Variants in NCKAP5L observed in about 807,000 individuals in gnomAD.
NCKAP5L encodes the protein nck-associated protein 5-like.
Under a neutral mutation model 103.2 loss-of-function variants are expected in NCKAP5L, and 54 were observed. The observed-to-expected ratio is 0.52, with a 90% CI of 0.42 to 0.66. NCKAP5L has a LOEUF of 0.66. Among genes scored for constraint, NCKAP5L ranks in the 30% least tolerant of loss-of-function variants. The pLI is 0.00. For missense variants in NCKAP5L, 1,733 were observed against 1,750.6 expected, an observed-to-expected ratio of 0.99 and a Z score of 0.18; for synonymous variants, 762 against 748.6, an observed-to-expected ratio of 1.02 and a Z score of -0.29.
In NCKAP5L at chr12:49,806,061, G is replaced by C. The variant is rs1366767081; in HGVS notation, c.-98-20C>G. On this transcript the variant is annotated intron_variant, in intron 1 of 12. Coordinates refer to ENST00000335999, the MANE Select transcript of NCKAP5L (RefSeq NM_001037806.4). The stretch of plus-strand genomic sequence containing the variant: ...CCTTGCCTGTGGAGAAAAAAAAAAA[G>C]ACGTCAGCCACGCACTTACTGGGCT... 1 of 144,122 alleles carries C rather than the reference G, an allele frequency of 6.9e-6. No individual in the cohort carries two copies. The highest frequency in any genetic ancestry group is 2.5e-5 in the African/African-American group (1 of 39,970). 8.9% of individuals were successfully genotyped at this position (144,122 alleles called of 1,614,324 possible).
Position 49,796,198 on chromosome 12 carries a change from G to A in NCKAP5L, c.1662C>T (p.Pro554=). The change falls in exon 8 of 13, where the codon CCC becomes CCT. Residue 554 remains proline, a synonymous_variant. Coordinates refer to ENST00000335999, the MANE Select transcript of NCKAP5L (RefSeq NM_001037806.4). ...TTLSPGPVVS[P]CYENILDLSR... is the part of the protein sequence containing the mutation. Reference sequence around the variant, plus strand: ...AAAGGTCCAGAATGTTCTCATAGCAGGGAGACACCACTGGGCCTGGGGACA... The same window carrying A: ...AAAGGTCCAGAATGTTCTCATAGCAAGGAGACACCACTGGGCCTGGGGACA... The A allele has an allele frequency of 1.2e-6, 2 of 1,601,588 alleles. No individual in the cohort carries two copies. Among genetic ancestry groups the A allele is most frequent in the Non-Finnish European group, 8.5e-7 (1 of 1,174,330 alleles).
chr12:49,796,688 G>T lies in NCKAP5L; in HGVS notation c.1172C>A (p.Pro391Gln). Residue 391 changes from proline (P) to glutamine (Q), a missense_variant, in exon 8 of 13, where the codon CCA becomes CAA. By Grantham distance (76) the Pro-to-Gln change is moderately conservative. Coordinates refer to ENST00000335999, the MANE Select transcript of NCKAP5L (RefSeq NM_001037806.4). Reference sequence around the variant, plus strand: ...GCCCTCTGAGGTAGCACCGAAGCCTGGCCTGTGGGCCTCTGGGGTACCCCC... The same window carrying T: ...GCCCTCTGAGGTAGCACCGAAGCCTTGCCTGTGGGCCTCTGGGGTACCCCC... ...WGGGTPEAHR[P>Q]GFGATSEGQG... 1 of 1,592,290 alleles carries T rather than the reference G, an allele frequency of 6.3e-7. No individual in the cohort carries two copies. Among genetic ancestry groups the T allele is most frequent in the African/African-American group, 1.3e-5 (1 of 74,176 alleles).
At chr12:49,825,790 C>G (rs1311173920) in intron 1 of NCKAP5L, among the ~76,000 whole-genome samples, 1 of 152,148 alleles carries the variant, frequency 6.6e-6, no homozygotes, top group Admixed American at 6.5e-5. Context: ...GAAAAGTAAC[C>G]CAGGGAGAAT....
intron 3 of NCKAP5L, among the ~76,000 whole-genome samples, chr12:49,803,452 C>T (rs1946143251): frequency 6.6e-6 from 1 of 152,088 alleles, no homozygotes; most frequent in African/African-American, 2.4e-5. Context: ...TGGGAGGTGC[C>T]CACAGTAACC....
At chr12:49,808,506 G>C (rs1262222140) in intron 1 of NCKAP5L, among the ~76,000 whole-genome samples, 1 of 152,194 alleles carries the variant, frequency 6.6e-6, no homozygotes, top group African/African-American at 2.4e-5. Context: ...CTGAGTTCAA[G>C]ATTTCTAAAG....
rs529573712 is a variant in NCKAP5L, at chr12:49,798,451, G to A, written c.364C>T (p.Pro122Ser). The A allele has an allele frequency of 1.9e-6, 3 of 1,576,738 alleles. No individual in the cohort carries two copies. The highest frequency in any genetic ancestry group is 1.3e-5 in the African/African-American group (1 of 74,356). The change falls in exon 7 of 13, where the codon CCA (proline) becomes TCA (serine). Residue 122 changes from proline (P) to serine (S), a missense_variant. Coordinates refer to ENST00000335999, the MANE Select transcript of NCKAP5L (RefSeq NM_001037806.4). ...TGSLPQIPLT[P>S]LQPPSEPPAS... ...GGTGGCTCTGATGGTGGCTGGAGTG[G>A]AGTGAGTGGGATCTGCAGAGGGAGA...
chr12:49,821,714 T>G (rs1946363873), intron 1 of NCKAP5L, among the ~76,000 whole-genome samples: 1 of 152,256 alleles, frequency 6.6e-6, no homozygotes, highest in African/African-American at 2.4e-5. Context: ...TAACGTGGAC[T>G]TTTTTGATCA....
intron 1 of NCKAP5L, among the ~76,000 whole-genome samples, chr12:49,816,235 G>C (rs903404654): frequency 6.6e-6 from 1 of 152,112 alleles, no homozygotes; most frequent in Non-Finnish European, 1.5e-5. Flanking sequence ...CCCTCTGCCA[G>C]TGTACCACTC....
At chr12:49,818,141 A>C (rs1029376740) in intron 1 of NCKAP5L, among the ~76,000 whole-genome samples, 3 of 151,974 alleles carry the variant, frequency 2.0e-5, no homozygotes, top group Non-Finnish European at 4.4e-5. Context: ...TGGAAAAAAA[A>C]AAAAACAAAA....
At chr12:49,802,246 C>T (rs1946128293) in intron 5 of NCKAP5L, 8 of 324,128 alleles carry the variant, frequency 2.5e-5, no homozygotes. Context: ...CGACCCCCCG[C>T]CTCTTTTTTT....
chr12:49,827,777 G>T (rs1455822000), intron 1 of NCKAP5L, among the ~76,000 whole-genome samples: 1 of 152,184 alleles, frequency 6.6e-6, no homozygotes, highest in African/African-American at 2.4e-5. Context: ...TAGGAGACCC[G>T]GTCTTTCCGC....
At position 49,802,870 on chromosome 12, in the gene NCKAP5L, C is replaced by A. The variant is rs1196545341; in HGVS notation, c.231+88G>T. ...AAGACGGGGAATCACTGGAGGGCAA[C>A]AGCCCATGTCCTCCAAGCCCTTAGT... On this transcript the variant is annotated intron_variant, in intron 5 of 12. Transcript: ENST00000335999. 14 of 1,434,258 alleles carry A rather than the reference C, an allele frequency of 9.8e-6. No individual in the cohort carries two copies. The Admixed American group carries it at 2.9e-4, about 30-fold the overall frequency. The allele number at this position is 1,434,258 out of a possible 1,614,324, so 88.8% of individuals were successfully genotyped here.
chr12:49,798,122 GC>G, intron 7 of NCKAP5L, among the ~76,000 whole-genome samples: 1 of 152,328 alleles, frequency 6.6e-6, no homozygotes, highest in South Asian at 2.1e-4. Context: ...TCTACACAGT[GC>G]CTGGCATGCA....
intron 1 of NCKAP5L, among the ~76,000 whole-genome samples, chr12:49,813,803 C>T (rs1946266991): frequency 6.6e-6 from 1 of 152,148 alleles, no homozygotes. Context: ...GCTGGGATTA[C>T]AGGCATGAGA....
chr12:49,798,572 C>T lies in NCKAP5L; in HGVS notation c.352-109G>A, dbSNP rs543274971. 4.9e-5 allele frequency: 44 copies of T among 895,242 alleles called. No individual in the cohort carries two copies. The African/African-American group carries it at 6.9e-4, about 14-fold the overall frequency. 55.5% of individuals were successfully genotyped at this position (895,242 alleles called of 1,614,324 possible). On this transcript the variant is annotated intron_variant, in intron 6 of 12. Coordinates refer to ENST00000335999, the MANE Select transcript of NCKAP5L (RefSeq NM_001037806.4). ...AGTCCGCTCCTTCACGGAGGACTCC[C>T]AGACTCCCAGCCCCAAATGCAGCTC...
chr12:49,808,895 G>A (rs1946209515), intron 1 of NCKAP5L, among the ~76,000 whole-genome samples: 1 of 152,198 alleles, frequency 6.6e-6, no homozygotes, highest in African/African-American at 2.4e-5. Flanking sequence ...CAGGGTCTGG[G>A]AACTCTAACT....
At chr12:49,806,570 C>A (rs897815086) in intron 1 of NCKAP5L, among the ~76,000 whole-genome samples, 9 of 152,288 alleles carry the variant, frequency 5.9e-5, no homozygotes, top group East Asian at 3.9e-4. Flanking sequence ...TCCTAACAAC[C>A]CTGGAAGGGG....
chr12:49,803,685 T>A (rs1946147106), intron 3 of NCKAP5L, among the ~76,000 whole-genome samples: 1 of 152,080 alleles, frequency 6.6e-6, no homozygotes, highest in Admixed American at 6.5e-5. Flanking sequence ...AGGACACTCA[T>A]CCCTGTGCAT....
At chr12:49,810,427 C>T (rs1377018224) in intron 1 of NCKAP5L, among the ~76,000 whole-genome samples, 1 of 152,148 alleles carries the variant, frequency 6.6e-6, no homozygotes, top group Non-Finnish European at 1.5e-5. Flanking sequence ...CAAATCATTC[C>T]GTCTCCCCGA....
Sources: allele counts gnomAD v4.1 joint callset (sites outside exome capture counted in the v4.1 genomes callset), GRCh38; gene constraint gnomAD v4.1.1; transcripts MANE v1.5; gene names NCBI Gene and HGNC (gene_info 2026-07-23, HGNC 2026-07-21).